Variants in LYPD6B observed in about 807,000 individuals in gnomAD.
The protein encoded by LYPD6B is LY6/PLAUR domain containing 6B.
Under a neutral mutation model 22.8 loss-of-function variants are expected in LYPD6B, and 17 were observed. The ratio of observed to expected loss-of-function variants is 0.75; its 90% CI spans 0.51 to 1.12. The LOEUF (loss-of-function observed/expected upper bound fraction) is 1.12. LYPD6B is among the 50% of genes most tolerant of loss of function. LYPD6B has a pLI of 0.00. For synonymous variants in LYPD6B, 106 were observed against 91.6 expected, an observed-to-expected ratio of 1.16 and a Z score of -0.90; for missense variants, 221 against 258.3, an observed-to-expected ratio of 0.86 and a Z score of 0.99.
At chr2:149,173,000 G>A (rs952416795) in intron 3 of LYPD6B, among the ~76,000 whole-genome samples, 9 of 149,830 alleles carry the variant, frequency 6.0e-5, no homozygotes, top group African/African-American at 1.2e-4. Context: ...ATATATATGC[G>A]CTTATATATA....
chr2:149,169,263 T>G (rs113382290), intron 3 of LYPD6B, among the ~76,000 whole-genome samples: 4 of 152,082 alleles, frequency 2.6e-5, no homozygotes, highest in African/African-American at 4.8e-5. Context: ...GACATGTCTC[T>G]TCCCCAAAAC....
At chr2:149,055,938 C>T (rs942505065) in intron 1 of LYPD6B, among the ~76,000 whole-genome samples, 5 of 152,172 alleles carry the variant, frequency 3.3e-5, no homozygotes, top group Admixed American at 2.6e-4. Flanking sequence ...CTTGTTCTGT[C>T]TGACATTCCT....
intron 2 of LYPD6B, among the ~76,000 whole-genome samples, chr2:149,139,615 T>C (rs145871466): frequency 1.8e-3 from 275 of 152,214 alleles, no homozygotes; most frequent in African/African-American, 6.4e-3. Context: ...AGCAAAGAGG[T>C]ATCATAATGG....
At chr2:149,196,056 A>C (rs1485928773) in intron 3 of LYPD6B, among the ~76,000 whole-genome samples, 2 of 152,192 alleles carry the variant, frequency 1.3e-5, no homozygotes, top group Admixed American at 1.3e-4. Context: ...CATTTAATGT[A>C]GTTTTTCATT....
At chr2:149,122,163 A>G (rs1687398122) in intron 1 of LYPD6B, among the ~76,000 whole-genome samples, 1 of 152,124 alleles carries the variant, frequency 6.6e-6, no homozygotes, top group African/African-American at 2.4e-5. Context: ...CCATTTTACC[A>G]TGAAAACTGG....
intron 1 of LYPD6B, among the ~76,000 whole-genome samples, chr2:149,121,859 A>G (rs1687376902): frequency 6.6e-6 from 1 of 152,094 alleles, no homozygotes; most frequent in Non-Finnish European, 1.5e-5. Flanking sequence ...AGTGCCTCCC[A>G]CTGACAGAAC....
At chr2:149,210,968 C>T (rs1559082129) in intron 5 of LYPD6B, among the ~76,000 whole-genome samples, 1 of 152,128 alleles carries the variant, frequency 6.6e-6, no homozygotes, top group Non-Finnish European at 1.5e-5. Flanking sequence ...CTTACGGTTC[C>T]ATAGGCTGTT....
chr2:149,188,622 A>T (rs1440715852), intron 3 of LYPD6B: 2 of 700,706 alleles, frequency 2.9e-6, no homozygotes, highest in Non-Finnish European at 3.5e-6. Context: ...TAAAGTTGAG[A>T]TTGTGAAAGT....
chr2:149,152,322 G>T (rs381631), intron 2 of LYPD6B, among the ~76,000 whole-genome samples: 98,093 of 151,302 alleles, frequency 0.65, 31,905 homozygotes, highest in South Asian at 0.76. Flanking sequence ...TAGATCATGG[G>T]GTATGTACGT....
At chr2:149,062,147 C>T (rs1168910180) in intron 1 of LYPD6B, among the ~76,000 whole-genome samples, 1 of 151,950 alleles carries the variant, frequency 6.6e-6, no homozygotes, top group Non-Finnish European at 1.5e-5. Flanking sequence ...GCCACTACGC[C>T]AGGCTAATTT....
At chr2:149,040,227 T>A (rs1683015232) in intron 1 of LYPD6B, among the ~76,000 whole-genome samples, 1 of 151,034 alleles carries the variant, frequency 6.6e-6, no homozygotes, top group South Asian at 2.1e-4. Context: ...CTCTCTTTTT[T>A]TTTTTTTCTT....
intron 1 of LYPD6B, among the ~76,000 whole-genome samples, chr2:149,060,615 G>T (rs1447373211): frequency 6.6e-6 from 1 of 152,226 alleles, no homozygotes; most frequent in East Asian, 1.9e-4. Context: ...TGCAGTTTGG[G>T]ACCCAAGCTG....
chr2:149,057,744 G>C (rs1353117625), intron 1 of LYPD6B, among the ~76,000 whole-genome samples: 1 of 152,148 alleles, frequency 6.6e-6, no homozygotes, highest in Non-Finnish European at 1.5e-5. Flanking sequence ...TGTAAGAAAT[G>C]CAACAGAAGA....
intron 1 of LYPD6B, among the ~76,000 whole-genome samples, chr2:149,039,216 C>G (rs1432687624): frequency 6.6e-6 from 1 of 152,240 alleles, no homozygotes; most frequent in East Asian, 1.9e-4. Context: ...GGGCCAAGAG[C>G]GAGCGTGCCA....
At chr2:149,212,081 T>A (rs997574146) in intron 5 of LYPD6B, among the ~76,000 whole-genome samples, 3 of 151,500 alleles carry the variant, frequency 2.0e-5, no homozygotes, top group African/African-American at 4.9e-5. Context: ...AGAATAGAAA[T>A]TATTAGGTTG....
chr2:149,106,286 G>A (rs1332219125), intron 1 of LYPD6B, among the ~76,000 whole-genome samples: 3 of 152,066 alleles, frequency 2.0e-5, no homozygotes, highest in Non-Finnish European at 4.4e-5. Flanking sequence ...TGGTATTAGA[G>A]TAGTGCTGAT....
chr2:149,166,226 G>T (rs986030093), intron 3 of LYPD6B, among the ~76,000 whole-genome samples: 17 of 152,248 alleles, frequency 1.1e-4, no homozygotes, highest in South Asian at 2.1e-4. Flanking sequence ...CCAAGGAAAG[G>T]GTGGGTTGAT....
At chr2:149,145,866 G>A (rs1482052152) in intron 2 of LYPD6B, among the ~76,000 whole-genome samples, 1 of 152,190 alleles carries the variant, frequency 6.6e-6, no homozygotes, top group African/African-American at 2.4e-5. Flanking sequence ...AGGTGCACAA[G>A]GTTTGTTCCT....
At chr2:149,107,303 C>A (rs73963486) in intron 1 of LYPD6B, among the ~76,000 whole-genome samples, 5 of 152,092 alleles carry the variant, frequency 3.3e-5, no homozygotes, top group African/African-American at 7.2e-5. Flanking sequence ...TGGGACAAAG[C>A]GATGTTTTAC....
Sources: allele counts gnomAD v4.1 joint callset (sites outside exome capture counted in the v4.1 genomes callset), GRCh38; gene constraint gnomAD v4.1.1; transcripts MANE v1.5; gene names NCBI Gene and HGNC (gene_info 2026-07-23, HGNC 2026-07-21).